The following KCNAB1 variants were observed in gnomAD, a reference collection of about 807,000 sequenced individuals.
KCNAB1 encodes the protein voltage-gated potassium channel subunit beta-1.
In KCNAB1, 35 loss-of-function variants were observed where a neutral mutation model predicts 64.6. The observed-to-expected ratio is 0.54, with a 90% confidence interval of 0.41 to 0.72. The LOEUF is 0.72. Ranked by LOEUF, KCNAB1 falls within the 30% of genes least tolerant of loss-of-function variation. The probability of loss-of-function intolerance (pLI) is 0.00; values close to 1 mark genes in which losing one functional copy is unlikely to be tolerated. For missense variants in KCNAB1, 401 were observed against 512.9 expected, an observed-to-expected ratio of 0.78 and a Z score of 2.11; for synonymous variants, 177 against 183.8, an observed-to-expected ratio of 0.96 and a Z score of 0.30.
intron 1 of KCNAB1, among the ~76,000 whole-genome samples, chr3:156,189,547 T>C (rs1261414256): frequency 2.0e-5 from 3 of 152,184 alleles, no homozygotes; most frequent in African/African-American, 7.2e-5. Context: ...ATGGTGCTCA[T>C]GTATTGATAA....
At chr3:156,159,625 GA>G (rs1020937377) in intron 1 of KCNAB1, among the ~76,000 whole-genome samples, 14 of 152,084 alleles carry the variant, frequency 9.2e-5, no homozygotes, top group African/African-American at 2.9e-4. Flanking sequence ...CTTCATACGC[GA>G]AGACTAAGTG....
chr3:156,390,972 G>T (rs1439063116), intron 1 of KCNAB1, among the ~76,000 whole-genome samples: 4 of 152,082 alleles, frequency 2.6e-5, no homozygotes, highest in Non-Finnish European at 5.9e-5. Flanking sequence ...GTCTGTAAAT[G>T]TCTAAAGCTG....
chr3:156,369,649 C>T lies in KCNAB1; in HGVS notation c.276-51967C>T, dbSNP rs1726174613. ...TCACATACCACTGTAGGAAAGTCTC[C>T]TGAATTTAGGGGAAGAGATTCTTTG... On this transcript the variant is annotated intron_variant, in intron 1 of 13. Coordinates refer to ENST00000490337, the MANE Select transcript of KCNAB1 (RefSeq NM_172160.3). Among the ~76,000 whole-genome samples, 3 of 152,322 alleles carry T rather than the reference C, an allele frequency of 2.0e-5. No homozygotes were observed. In the Middle Eastern group the frequency reaches 0.01, roughly 518 times the overall value.
At chr3:156,139,382 T>G (rs1196780161) in intron 1 of KCNAB1, among the ~76,000 whole-genome samples, 1 of 152,178 alleles carries the variant, frequency 6.6e-6, no homozygotes, top group Non-Finnish European at 1.5e-5. Context: ...CCCCATGTTT[T>G]AGAAACTGCT....
chr3:156,192,895 T>C (rs770595961), intron 1 of KCNAB1, among the ~76,000 whole-genome samples: 1 of 152,138 alleles, frequency 6.6e-6, no homozygotes, highest in Non-Finnish European at 1.5e-5. Context: ...AAAGTAGCTC[T>C]CTTGTAGGTG....
intron 1 of KCNAB1, among the ~76,000 whole-genome samples, chr3:156,218,822 A>T (rs55885024): frequency 0.091 from 13,014 of 142,474 alleles, 787 homozygotes; most frequent in Non-Finnish European, 0.13. Context: ...AAATAAAATA[A>T]AAATAAATAA....
At chr3:156,470,911 C>T (rs1002605565) in intron 7 of KCNAB1, among the ~76,000 whole-genome samples, 2 of 152,144 alleles carry the variant, frequency 1.3e-5, no homozygotes, top group African/African-American at 2.4e-5. Flanking sequence ...AGGATAACCA[C>T]GTTTTGTAAC....
chr3:156,513,627 A>T (rs1288719237), intron 8 of KCNAB1, among the ~76,000 whole-genome samples: 2 of 152,182 alleles, frequency 1.3e-5, no homozygotes, highest in Non-Finnish European at 2.9e-5. Context: ...GCTCAGCTCC[A>T]TCCTCTGGGG....
chr3:156,153,691 C>T (rs1176353407), intron 1 of KCNAB1, among the ~76,000 whole-genome samples: 1 of 152,232 alleles, frequency 6.6e-6, no homozygotes, highest in Non-Finnish European at 1.5e-5. Context: ...ATTGTTGGAT[C>T]TGAGACATCG....
At chr3:156,460,074 C>A in intron 5 of KCNAB1, 1 of 498,252 alleles carries the variant, frequency 2.0e-6, no homozygotes, top group Non-Finnish European at 3.5e-6. Context: ...TCATTGATCA[C>A]AATGAATTAC....
upstream of KCNAB1, among the ~76,000 whole-genome samples, chr3:156,119,340 A>G (rs1378998490): frequency 1.3e-5 from 2 of 152,294 alleles, no homozygotes; most frequent in Admixed American, 6.5e-5. Flanking sequence ...AAGGGATGAG[A>G]ATAGCAGTGA....
chr3:156,214,191 T>C (rs1337489500), intron 1 of KCNAB1, among the ~76,000 whole-genome samples: 2 of 152,154 alleles, frequency 1.3e-5, no homozygotes, highest in Non-Finnish European at 2.9e-5. Flanking sequence ...TAAATTTCTT[T>C]TTTAGTTTTA....
At chr3:156,161,819 G>A (rs1716097002) in intron 1 of KCNAB1, among the ~76,000 whole-genome samples, 1 of 151,842 alleles carries the variant, frequency 6.6e-6, no homozygotes, top group South Asian at 2.1e-4. Flanking sequence ...TATTGATAAG[G>A]GATTTTAATT....
intron 2 of KCNAB1, among the ~76,000 whole-genome samples, chr3:156,424,126 TC>T (rs1715657872): frequency 1.3e-5 from 2 of 152,022 alleles, no homozygotes; most frequent in Non-Finnish European, 2.9e-5. Context: ...GCAGGGAAGA[TC>T]ATCTTTGGGG....
chr3:156,538,917 C>CTT (rs1231665008), downstream of KCNAB1: 3 of 152,208 alleles, frequency 2.0e-5, no homozygotes, highest in African/African-American at 4.8e-5. Flanking sequence ...CTTTTAAAAA[C>CTT]TTACTTGCAA....
chr3:156,431,096 C>A (rs1716179794), intron 2 of KCNAB1, among the ~76,000 whole-genome samples: 1 of 152,132 alleles, frequency 6.6e-6, no homozygotes, highest in South Asian at 2.1e-4. Flanking sequence ...TGAGTGCAGG[C>A]ATTTTGGTTT....
At chr3:156,532,749 C>G (rs774800061) in intron 13 of KCNAB1, among the ~76,000 whole-genome samples, 2 of 152,182 alleles carry the variant, frequency 1.3e-5, no homozygotes, top group Non-Finnish European at 2.9e-5. Context: ...GTGAGGTTCC[C>G]TGTAGCTACG....
chr3:156,347,989 C>T (rs1410181446), intron 1 of KCNAB1, among the ~76,000 whole-genome samples: 2 of 152,136 alleles, frequency 1.3e-5, no homozygotes, highest in African/African-American at 2.4e-5. Context: ...TTGTTATACA[C>T]ACTAGGGAGA....
At chr3:156,273,617 T>G (rs554600215) in intron 1 of KCNAB1, 1 of 456,416 alleles carries the variant, frequency 2.2e-6, no homozygotes, top group Non-Finnish European at 4.4e-6. Flanking sequence ...CATCGGCAAT[T>G]CACCGCTGTC....
Sources: gnomAD v4.1 joint callset for allele counts (sites outside exome capture counted in the v4.1 genomes callset) on GRCh38, gnomAD v4.1.1 for gene constraint, MANE v1.5 for transcripts, NCBI Gene and HGNC (gene_info 2026-07-23, HGNC 2026-07-21) for gene names.